The following RBFOX2 variants were observed in gnomAD, a reference collection of about 807,000 sequenced individuals.
The protein encoded by RBFOX2 is RNA binding protein fox-1 homolog 2.
In RBFOX2, 10 loss-of-function variants were observed where a neutral mutation model predicts 49.1. The ratio of observed to expected loss-of-function variants is 0.20; its 90% CI spans 0.13 to 0.35. RBFOX2 has a LOEUF of 0.35. Among genes scored for constraint, RBFOX2 ranks in the 10% least tolerant of loss-of-function variants. RBFOX2 has a pLI of 1.00. For missense variants in RBFOX2, 323 were observed against 486.9 expected (o/e 0.66, Z 3.17); for synonymous variants, 183 against 187.4 (o/e 0.98, Z 0.19).
intron 1 of RBFOX2, among the ~76,000 whole-genome samples, chr22:35,864,701 T>C (rs2043473043): frequency 1.3e-5 from 2 of 152,208 alleles, no homozygotes; most frequent in Admixed American, 1.3e-4. Context: ...TTGTGCAAAG[T>C]AGAAACAGTG....
intron 1 of RBFOX2, among the ~76,000 whole-genome samples, chr22:35,918,702 C>A (rs1255097597): frequency 2.6e-5 from 4 of 151,686 alleles, no homozygotes; most frequent in Non-Finnish European, 5.9e-5. Flanking sequence ...TTGTAGGGGG[C>A]AATGGTGCTG....
chr22:35,985,988 C>T (rs2057706678), intron 1 of RBFOX2, among the ~76,000 whole-genome samples: 1 of 152,032 alleles, frequency 6.6e-6, no homozygotes, highest in Admixed American at 6.6e-5. Context: ...GCAGCAAACC[C>T]TTGTTGCTCA....
chr22:35,940,529 T>C (rs966594662), upstream of RBFOX2, among the ~76,000 whole-genome samples: 5 of 152,276 alleles, frequency 3.3e-5, no homozygotes, highest in African/African-American at 1.2e-4. Flanking sequence ...CTGGAAACAG[T>C]TGGATAGTCC....
rs544518827 is a variant in RBFOX2, at chr22:35,826,324, A to G, written c.27+13868T>C. On this transcript the variant is annotated intron_variant, in intron 1 of 11. Coordinates refer to ENST00000405409, the Ensembl canonical transcript of RBFOX2. The stretch of plus-strand genomic sequence containing the variant: ...GCCATCGCAGTCCAGCCTGGGCAAC[A>G]AGAGCGAAACTCCATCTCAAAAAAA... Among the ~76,000 whole-genome samples the G allele has an allele frequency of 6.0e-5, 9 of 149,004 alleles. No homozygotes were observed. In the South Asian group the frequency reaches 1.9e-3, roughly 32 times the overall value.
intron 1 of RBFOX2, among the ~76,000 whole-genome samples, chr22:35,923,036 C>T (rs959741865): frequency 2.6e-5 from 4 of 152,192 alleles, no homozygotes; most frequent in Non-Finnish European, 2.9e-5. Flanking sequence ...GAGTCCTGCA[C>T]GTGGTGAGGG....
chr22:35,932,344 A>G (rs906832018), intron 1 of RBFOX2, among the ~76,000 whole-genome samples: 2 of 152,186 alleles, frequency 1.3e-5, no homozygotes, highest in Admixed American at 6.5e-5. Context: ...ATCTTGAGGA[A>G]AGAAAATACT....
At chr22:35,898,440 T>G in intron 1 of RBFOX2, 1 of 449,376 alleles carries the variant, frequency 2.2e-6, no homozygotes. Context: ...TTTTTTTTTT[T>G]TCTGAGACAG....
chr22:35,775,587 C>A (rs1943674114), intron 4 of RBFOX2, among the ~76,000 whole-genome samples: 1 of 151,998 alleles, frequency 6.6e-6, no homozygotes, highest in Non-Finnish European at 1.5e-5. Flanking sequence ...CACCTGTAAT[C>A]CCAGCACTGT....
Position 35,886,767 on chromosome 22 carries a change from T to C in RBFOX2, c.-34+52080A>G, listed in dbSNP as rs533586104. Among the ~76,000 whole-genome samples, 261 of 152,354 alleles carry C rather than the reference T, an allele frequency of 1.7e-3. 1 individual carries two copies. Among genetic ancestry groups the C allele is most frequent in the African/African-American group, 6.2e-3 (258 of 41,582 alleles). ...TGATGCCTTCAACTGCATTGACTGA[T>C]GCATTGAACTGCACTGATGAATGAT... On this transcript the variant is annotated intron_variant, in intron 1 of 13. Transcript: ENST00000359369.
rs574857662 is a variant in RBFOX2 at position 35,918,901 on chromosome 22, C to T, written c.-34+19946G>A. On this transcript the variant is annotated intron_variant, in intron 1 of 13. Coordinates refer to the RBFOX2 transcript ENST00000359369. ...TTTCATAGTAGTCACCTATTCCTCC[C>T]ATTTTAAATTAAGGAAAATAATCCT... 2.6e-5 allele frequency among the ~76,000 whole-genome samples: 4 copies of T among 152,214 alleles called. No individual in the cohort carries two copies. The South Asian group carries it at 8.3e-4, about 32-fold the overall frequency.
intron 1 of RBFOX2, among the ~76,000 whole-genome samples, chr22:35,852,943 T>G (rs1372390070): frequency 1.3e-5 from 2 of 152,138 alleles, no homozygotes; most frequent in African/African-American, 4.8e-5. Flanking sequence ...CAGAGAAAGA[T>G]TTAAATTCTT....
At chr22:36,015,073 T>C (rs1331707016) in intron 1 of RBFOX2, among the ~76,000 whole-genome samples, 1 of 152,168 alleles carries the variant, frequency 6.6e-6, no homozygotes, top group Admixed American at 6.5e-5. Context: ...CACCTGGGAA[T>C]GGAGAGGCGC....
intron 1 of RBFOX2, among the ~76,000 whole-genome samples, chr22:36,012,559 G>A (rs2058861638): frequency 6.6e-6 from 1 of 152,046 alleles, no homozygotes; most frequent in Non-Finnish European, 1.5e-5. Context: ...CAGCCTGAGT[G>A]ATGCACTCCA....
At chr22:35,806,811 T>C (rs922141097) in intron 2 of RBFOX2, among the ~76,000 whole-genome samples, 1 of 152,196 alleles carries the variant, frequency 6.6e-6, no homozygotes, top group Non-Finnish European at 1.5e-5. Context: ...GTGCACTTTT[T>C]TCGGGGAGTG....
chr22:35,880,151 GA>G (rs796969949), intron 1 of RBFOX2, among the ~76,000 whole-genome samples: 65 of 142,174 alleles, frequency 4.6e-4, no homozygotes, highest in Admixed American at 6.3e-4. Flanking sequence ...CGAGACTGAG[GA>G]AAAAAAAAAA....
intron 1 of RBFOX2, among the ~76,000 whole-genome samples, chr22:35,895,179 ATC>A (rs933161341): frequency 2.0e-5 from 3 of 151,790 alleles, no homozygotes; most frequent in African/African-American, 7.3e-5. Flanking sequence ...CCTTCAGGGA[ATC>A]TCTCTCTGCA....
At chr22:35,787,196 C>T (rs2147332437) in intron 2 of RBFOX2, among the ~76,000 whole-genome samples, 1 of 152,214 alleles carries the variant, frequency 6.6e-6, no homozygotes, top group Non-Finnish European at 1.5e-5. Flanking sequence ...CGAGCCACTA[C>T]ACATGACTAA....
intron 2 of RBFOX2, among the ~76,000 whole-genome samples, chr22:35,803,222 A>G (rs951286114): frequency 1.3e-5 from 2 of 152,072 alleles, no homozygotes; most frequent in East Asian, 3.9e-4. Flanking sequence ...CAGTCACTAC[A>G]ATGCATTACT....
At chr22:35,897,552 A>T in intron 1 of RBFOX2, 1 of 868,586 alleles carries the variant, frequency 1.2e-6, no homozygotes, top group Non-Finnish European at 2.0e-6. Flanking sequence ...CTTTGCTGTG[A>T]GCCACAGCAA....
Sources: allele counts gnomAD v4.1 joint callset (sites outside exome capture counted in the v4.1 genomes callset), GRCh38; gene constraint gnomAD v4.1.1; transcripts MANE v1.5; gene names NCBI Gene and HGNC (gene_info 2026-07-23, HGNC 2026-07-21).